Variants in DPEP2 observed in about 807,000 individuals in gnomAD.
The protein encoded by DPEP2 is dipeptidase 2.
A neutral mutation model predicts 51.8 loss-of-function variants in DPEP2; 45 were observed. The observed-to-expected ratio is 0.87, with a 90% CI of 0.68 to 1.11. The LOEUF is 1.11. Among genes scored for constraint, DPEP2 ranks in the 50% most tolerant of loss-of-function variants. DPEP2 has a pLI of 0.00. For missense variants in DPEP2, 604 were observed against 631.9 expected (o/e 0.96, Z 0.47); for synonymous variants, 255 against 262.7 (o/e 0.97, Z 0.28).
In DPEP2 at chr16:67,990,076, T is replaced by A. The variant is rs368738582; in HGVS notation, c.965A>T (p.Asn322Ile). The A allele has an allele frequency of 6.2e-7, 1 of 1,613,844 alleles. No homozygotes were observed. Among genetic ancestry groups the A allele is most frequent in the African/African-American group, 1.3e-5 (1 of 74,844 alleles). The change falls in exon 8 of 11, where the codon AAC becomes ATC. Residue 322 changes from asparagine to isoleucine, a missense_variant. Physicochemically the swap from Asn to Ile is moderately radical, Grantham distance 149. Transcript: ENST00000393847. ...VSLSMGVIQC[N>I]PSANVSTVAD... ...CACAGTGGACACATTGGCTGATGGG[T>A]TGCACTGTATTACTCCCATGGACAA...
rs73596566 is a variant in DPEP2 at position 67,990,031 on chromosome 16, C to T, written c.994+16G>A. 22,814 of 1,613,602 alleles carry T rather than the reference C, an allele frequency of 0.014. 1,398 individuals are homozygous for T. In the African/African-American group the frequency reaches 0.18, roughly 13 times the overall value. ...GCAAATCAGAACTGTTCAGAGAGCC[C>T]GGGAGAGGGAGTTACCTGCCACAGT... On this transcript the variant is annotated intron_variant, in intron 8 of 10. Coordinates refer to ENST00000393847, the MANE Select transcript of DPEP2 (RefSeq NM_022355.4).
intron 9 of DPEP2, 95 bp from the exon 10 acceptor site, chr16:67,988,082 G>T (rs2031635246): frequency 1.3e-6 from 2 of 1,537,406 alleles, no homozygotes; most frequent in African/African-American, 2.7e-5. Context: ...CCCTGGTCAG[G>T]TATGGGAAGT....
chr16:67,995,120 G>A (rs1452771007), intron 1 of DPEP2, among the ~76,000 whole-genome samples: 2 of 151,898 alleles, frequency 1.3e-5, no homozygotes, highest in Non-Finnish European at 2.9e-5. Context: ...GGCTGGTCTC[G>A]AACTCCTGGT....
intron 2 of DPEP2, 132 bp from the exon 3 acceptor site, chr16:67,992,768 C>T (rs1272662149): frequency 6.6e-7 from 1 of 1,504,282 alleles, no homozygotes; most frequent in African/African-American, 1.4e-5. Context: ...CCCCTGAGGC[C>T]CGGGCTAGGA....
intron 1 of DPEP2, among the ~76,000 whole-genome samples, chr16:67,995,492 G>A (rs777748416): frequency 3.1e-4 from 47 of 152,130 alleles, no homozygotes; most frequent in Admixed American, 5.9e-4. Context: ...ATCCACTGCT[G>A]GTCAGCAGCT....
intron 3 of DPEP2, 152 bp downstream of exon 3, chr16:67,992,358 C>A: frequency 7.0e-7 from 1 of 1,430,202 alleles, no homozygotes; most frequent in Non-Finnish European, 9.4e-7. Flanking sequence ...CTCACTGTAG[C>A]CTCTGCAGCC....
Position 67,992,613 on chromosome 16 carries a change from A to G in DPEP2, c.287T>C (p.Leu96Pro), listed in dbSNP as rs1444402712. 56 of 1,613,986 alleles carry G rather than the reference A, an allele frequency of 3.5e-5. No homozygotes were observed. The highest frequency in any genetic ancestry group is 4.4e-5 in the Non-Finnish European group (52 of 1,179,962). ...TAGCCCTTTCTGGTAAACCTGCCTT[A>G]GGACCAGGGGCAGGTCGTTGTGGCT... ...VDGHNDLPLV[L>P]RQVYQKGLQD... The change falls in exon 3 of 11, where the codon CTA (leucine) becomes CCA (proline). Residue 96 changes from leucine to proline, a missense_variant. Transcript: ENST00000393847.
At chr16:67,989,428 G>T (rs745690614) in intron 8 of DPEP2, 30 bp from the exon 9 acceptor site, 1 of 1,612,598 alleles carries the variant, frequency 6.2e-7, no homozygotes, top group African/African-American at 1.3e-5. Context: ...ACAGTCAGCT[G>T]CGTAGGGCTT....
At chr16:67,997,276 G>A (rs1294247915) in intron 1 of DPEP2, among the ~76,000 whole-genome samples, 2 of 151,698 alleles carry the variant, frequency 1.3e-5, no homozygotes, top group Non-Finnish European at 2.9e-5. Context: ...CAGGTGATCC[G>A]CCTGCCTTGA....
chr16:67,988,156 C>A (rs2151359344), intron 9 of DPEP2, 169 bp from the exon 10 acceptor site: 2 of 727,808 alleles, frequency 2.7e-6, no homozygotes, highest in Admixed American at 2.9e-5. Flanking sequence ...GGCCTCAAAA[C>A]CTCCTTGAAT....
rs1285913595 is a variant in DPEP2 at position 67,987,839 on chromosome 16, C to T, written c.1206+13G>A. On this transcript the variant is annotated intron_variant, in intron 10 of 10. Coordinates refer to ENST00000393847, the MANE Select transcript of DPEP2 (RefSeq NM_022355.4). ...CAGACCCCTCGGCTACTCTCTTGCC[C>T]AGCCCAGAGTACCTTTTCCACTTGT... The T allele has an allele frequency of 1.2e-6, 2 of 1,614,046 alleles. No individual in the cohort carries two copies. The highest frequency in any genetic ancestry group is 2.7e-5 in the African/African-American group (2 of 74,922).
rs758977397 is a variant in DPEP2 at position 67,990,975 on chromosome 16, C to T, written c.755G>A (p.Arg252His). 8.1e-6 allele frequency: 13 copies of T among 1,614,038 alleles called. No individual in the cohort carries two copies. Among genetic ancestry groups the T allele is most frequent in the Middle Eastern group, 1.7e-4 (1 of 6,060 alleles). ...FGEKVVAEMN[R>H]LGMMVDLSHV... The stretch of plus-strand genomic sequence containing the variant: ...GGATAAGTCTACCATCATGCCCAGG[C>T]GGTTCATTTCTGCCACCACCTTCTG... Residue 252 changes from arginine to histidine, a missense_variant, in exon 7 of 11, where the codon CGC becomes CAC. By Grantham distance (29) the Arg-to-His change is conservative. Coordinates refer to ENST00000393847, the MANE Select transcript of DPEP2 (RefSeq NM_022355.4).
chr16:67,999,155 T>A (rs769815350), intron 1 of DPEP2: 1 of 153,936 alleles, frequency 6.5e-6, no homozygotes, highest in Admixed American at 6.6e-5. Flanking sequence ...TTATGAGCTT[T>A]AACACTCACC....
At chr16:67,995,289 A>G (rs1381412515) in intron 1 of DPEP2, among the ~76,000 whole-genome samples, 2 of 151,824 alleles carry the variant, frequency 1.3e-5, no homozygotes, top group Non-Finnish European at 2.9e-5. Flanking sequence ...TCAAGTGATG[A>G]TCTCACCTTG....
In DPEP2 at chr16:67,990,112, ACGACG is replaced by A. The variant is rs1211173722; in HGVS notation, c.924_928del (p.Val309AspfsTer43). 3 of 1,613,996 alleles carry A rather than the reference ACGACG, an allele frequency of 1.9e-6. No homozygotes were observed. The highest frequency in any genetic ancestry group is 2.5e-6 in the Non-Finnish European group (3 of 1,179,996). The stretch of plus-strand genomic sequence containing the variant: ...TACTCCCATGGACAAAGACACCATC[ACGACG>A]CCACCGTTCTTCTTCTGCAGGGGCG... On this transcript the variant is annotated frameshift_variant, in exon 8 of 11. Coordinates refer to ENST00000393847, the MANE Select transcript of DPEP2 (RefSeq NM_022355.4). LOFTEE classifies it high-confidence loss of function.
chr16:67,992,856 G>C (rs2032348721), intron 2 of DPEP2, 94 bp downstream of exon 2: 1 of 1,499,154 alleles, frequency 6.7e-7, no homozygotes, highest in African/African-American at 1.4e-5. Context: ...GGGGTGGTGT[G>C]AGGGAGCCTC....
Position 67,993,188 on chromosome 16 carries a change from G to T in DPEP2, c.25C>A (p.Pro9Thr). 6.7e-7 allele frequency: 1 copy of T among 1,482,180 alleles called. No individual in the cohort carries two copies. The highest frequency in any genetic ancestry group is 9.0e-7 in the Non-Finnish European group (1 of 1,112,726). 91.8% of individuals were successfully genotyped at this position (1,482,180 alleles called of 1,614,324 possible). The change falls in exon 2 of 11, where the codon CCC becomes ACC. Residue 9 changes from proline to threonine, a missense_variant. Physicochemically the swap from Pro to Thr is conservative, Grantham distance 38. Coordinates refer to ENST00000393847, the MANE Select transcript of DPEP2 (RefSeq NM_022355.4). MQPSGLEG[P>T]GTFGRWPLLS... ...AGAGGCCACCGACCAAACGTGCCGG[G>T]ACCCTCGAGGCCGGAGGGCTGCATG...
intron 9 of DPEP2, among the ~76,000 whole-genome samples, 189 bp downstream of exon 9, chr16:67,989,134 G>A (rs972169756): frequency 3.3e-5 from 5 of 152,196 alleles, no homozygotes; most frequent in African/African-American, 1.2e-4. Context: ...GGGCAGATGA[G>A]CTCTGTCTGG....
At position 67,992,077 on chromosome 16, in the gene DPEP2, C is replaced by A; in HGVS notation, c.507G>T (p.Val169=). The A allele has an allele frequency of 6.2e-7, 1 of 1,614,134 alleles. No individual in the cohort carries two copies. The highest frequency in any genetic ancestry group is 1.3e-5 in the African/African-American group (1 of 75,024). The change falls in exon 4 of 11, where the codon GTG becomes GTT. Residue 169 remains valine (V), a synonymous_variant. Coordinates refer to ENST00000393847, the MANE Select transcript of DPEP2 (RefSeq NM_022355.4). ...CAACTTGCCTACCTTTAGCCGAGGT[C>A]ACAAGCTCCAGCTCAGAATAGGAGG... ...MCASYSELEL[V]TSAKALNDTQ...
Sources: allele counts gnomAD v4.1 joint callset (sites outside exome capture counted in the v4.1 genomes callset), GRCh38; gene constraint gnomAD v4.1.1; transcripts MANE v1.5; gene names NCBI Gene and HGNC (gene_info 2026-07-23, HGNC 2026-07-21).